Variants in KCNJ16 observed in about 807,000 individuals in gnomAD.
The protein encoded by KCNJ16 is potassium inwardly rectifying channel subfamily J member 16, also known as inward rectifier potassium channel 16.
KCNJ16 carries 15 observed loss-of-function variants against 18.5 expected under a neutral mutation model. The ratio of observed to expected loss-of-function variants is 0.81; its 90% CI spans 0.54 to 1.25. The LOEUF is 1.25. Ranked by LOEUF, KCNJ16 falls within the 50% of genes most tolerant of loss-of-function variation. The pLI, the probability that KCNJ16 is intolerant of heterozygous loss-of-function variation, is 0.00. For synonymous variants in KCNJ16, 174 were observed against 186.5 expected, an observed-to-expected ratio of 0.93 and a Z score of 0.55; for missense variants, 523 against 525.7, an observed-to-expected ratio of 0.99 and a Z score of 0.05.
chr17:70,122,793 GAGTC>G (rs2073697048), intron 2 of KCNJ16, among the ~76,000 whole-genome samples: 1 of 152,118 alleles, frequency 6.6e-6, no homozygotes, highest in Non-Finnish European at 1.5e-5. Context: ...TAAATAACAG[GAGTC>G]AGTAACTCTG....
At chr17:70,088,734 G>A (rs918002460) in intron 1 of KCNJ16, among the ~76,000 whole-genome samples, 3 of 150,078 alleles carry the variant, frequency 2.0e-5, no homozygotes, top group Non-Finnish European at 3.0e-5. Context: ...AAGGCCAAGT[G>A]ATTTTTTTTT....
chr17:70,107,280 C>T (rs1194217385), intron 2 of KCNJ16, among the ~76,000 whole-genome samples: 1 of 152,144 alleles, frequency 6.6e-6, no homozygotes, highest in Non-Finnish European at 1.5e-5. Flanking sequence ...GTTTTGTTTG[C>T]ATCACTTAAT....
intron 1 of KCNJ16, among the ~76,000 whole-genome samples, chr17:70,089,030 TG>T (rs1395411821): frequency 1.3e-5 from 2 of 152,242 alleles, no homozygotes; most frequent in African/African-American, 4.8e-5. Context: ...CCAGAACGTG[TG>T]AAAGTTTTCT....
rs867515298 is a variant in KCNJ16, at chr17:70,123,008, T to C, written c.-190-7871T>C. Among the ~76,000 whole-genome samples the C allele has an allele frequency of 2.6e-5, 4 of 152,194 alleles. No individual in the cohort carries two copies. The South Asian group carries it at 8.3e-4, about 31-fold the overall frequency. ...CAGCTTTCTGGTTTACCTCCCTCCTTCTGCTCTTAAATTTCCCCCAACTGA... is the reference window on the plus strand; with the variant it reads ...CAGCTTTCTGGTTTACCTCCCTCCTCCTGCTCTTAAATTTCCCCCAACTGA... On this transcript the variant is annotated intron_variant, in intron 2 of 3. Coordinates refer to ENST00000392671, the MANE Select transcript of KCNJ16 (RefSeq NM_170741.4).
chr17:70,125,501 G>C (rs1268413973), intron 2 of KCNJ16, among the ~76,000 whole-genome samples: 1 of 152,186 alleles, frequency 6.6e-6, no homozygotes, highest in African/African-American at 2.4e-5. Context: ...ATATTCTACA[G>C]AGGATGAAAC....
rs142139198 is a variant in KCNJ16 at position 70,103,324 on chromosome 17, A to ACACACACATAT, written c.-191+2564_-191+2565insCATATCACACA. On this transcript the variant is annotated intron_variant, in intron 2 of 3. Transcript: ENST00000392671. ...TATATATATATATATATATATATACACACACATATATATATATTTTTTTGT... is the reference window on the plus strand; with the variant it reads ...TATATATATATATATATATATATACACACACACATATCACACATATATATATATTTTTTTGT... 7.1e-5 allele frequency among the ~76,000 whole-genome samples: 8 copies of ACACACACATAT among 113,350 alleles called. No homozygotes were observed. The East Asian group carries it at 8.4e-4, about 12-fold the overall frequency. The allele number at this position is 113,350 out of a possible 152,430, so 74.4% of individuals were successfully genotyped here. A position where few individuals can be genotyped will look rare whatever the true frequency, so the allele number is the denominator to read the frequency against.
intron 1 of KCNJ16, among the ~76,000 whole-genome samples, chr17:70,100,098 C>A (rs2072557603): frequency 1.3e-5 from 2 of 152,240 alleles, no homozygotes; most frequent in Admixed American, 1.3e-4. Flanking sequence ...TAACAGGAAG[C>A]CCTCAGGCCG....
intron 2 of KCNJ16, among the ~76,000 whole-genome samples, chr17:70,129,322 A>G (rs1598184215): frequency 6.6e-6 from 1 of 152,244 alleles, no homozygotes; most frequent in Admixed American, 6.5e-5. Context: ...ATTCCAGTCA[A>G]TCAACAAGTG....
At chr17:70,097,701 T>C (rs541925389) in intron 1 of KCNJ16, among the ~76,000 whole-genome samples, 26 of 152,228 alleles carry the variant, frequency 1.7e-4, no homozygotes, top group African/African-American at 5.3e-4. Flanking sequence ...GAAAATAAAA[T>C]CACAAACTTC....
rs200673054 is a variant in KCNJ16 at position 70,132,149 on chromosome 17, C to T, written c.62C>T (p.Pro21Leu). 254 of 1,614,150 alleles carry T rather than the reference C, an allele frequency of 1.6e-4. No individual in the cohort carries two copies. Among genetic ancestry groups the T allele is most frequent in the Admixed American group, 5.7e-4 (34 of 60,028 alleles). The change falls in exon 4 of 4, where the codon CCG (proline) becomes CTG (leucine). Residue 21 changes from proline (P) to leucine (L), a missense_variant. By Grantham distance (98) the Pro-to-Leu change is moderately conservative (BLOSUM62 -3). Transcript: ENST00000392671. ...GCGGACGCAAAATACCCAGGCTACC[C>T]GCCAGAGCACATTATAGCTGAGAAG... The part of the protein sequence containing the change: ...INADAKYPGY[P>L]PEHIIAEKRR...
chr17:70,103,058 T>A (rs139365488), intron 2 of KCNJ16, among the ~76,000 whole-genome samples: 1 of 148,930 alleles, frequency 6.7e-6, no homozygotes, highest in East Asian at 2.0e-4. Context: ...CCTTAGGCAC[T>A]CAAGTAGCTG....
intron 1 of KCNJ16, among the ~76,000 whole-genome samples, chr17:70,079,493 A>G (rs1484029133): frequency 6.6e-6 from 1 of 152,318 alleles, no homozygotes; most frequent in Admixed American, 6.5e-5. Context: ...ATTAAACATC[A>G]CAATAACAGA....
At chr17:70,117,346 G>A (rs929588440) in intron 2 of KCNJ16, among the ~76,000 whole-genome samples, 3 of 152,016 alleles carry the variant, frequency 2.0e-5, no homozygotes, top group African/African-American at 7.3e-5. Flanking sequence ...ACTAACCTCA[G>A]CATCACACCA....
chr17:70,093,868 T>C (rs1325018670), intron 1 of KCNJ16, among the ~76,000 whole-genome samples: 2 of 151,968 alleles, frequency 1.3e-5, no homozygotes, highest in Non-Finnish European at 2.9e-5. Flanking sequence ...TTGCCATAAC[T>C]ATTGGAATAT....
intron 2 of KCNJ16, chr17:70,101,016 C>T (rs957047065): frequency 6.6e-6 from 1 of 152,192 alleles, no homozygotes; most frequent in Non-Finnish European, 1.5e-5. Context: ...GAAAGAAATG[C>T]TATTTATATA....
intron 1 of KCNJ16, among the ~76,000 whole-genome samples, chr17:70,090,679 A>C (rs2072043928): frequency 6.6e-6 from 1 of 152,022 alleles, no homozygotes; most frequent in Non-Finnish European, 1.5e-5. Flanking sequence ...CAATACCGCT[A>C]ACCCACTCAC....
chr17:70,087,622 G>C (rs530989190), intron 1 of KCNJ16, among the ~76,000 whole-genome samples: 1 of 152,144 alleles, frequency 6.6e-6, no homozygotes, highest in South Asian at 2.1e-4. Flanking sequence ...CAGGAGAATC[G>C]CTTGAACCCG....
At chr17:70,111,366 AG>A (rs2073176994) in intron 2 of KCNJ16, among the ~76,000 whole-genome samples, 1 of 152,144 alleles carries the variant, frequency 6.6e-6, no homozygotes, top group South Asian at 2.1e-4. Flanking sequence ...AGCTGGGCTA[AG>A]GGGAACGTGT....
Position 70,132,232 on chromosome 17 carries a change from C to G in KCNJ16, c.145C>G (p.His49Asp). 6.2e-7 allele frequency: 1 copy of G among 1,614,232 alleles called. No individual in the cohort carries two copies. The highest frequency in any genetic ancestry group is 8.5e-7 in the Non-Finnish European group (1 of 1,180,038). The change falls in exon 4 of 4, where the codon CAC becomes GAC. Residue 49 changes from histidine (H) to aspartate (D), a missense_variant. By Grantham distance (81) the His-to-Asp change is moderately conservative. Transcript: ENST00000392671. ...TGGCAGCTGTAATGTCTACTTCAAG[C>G]ACATTTTTGGAGAATGGGGAAGCTA... ...KDGSCNVYFKHIFGEWGSYVV... is the reference protein window; with the variant it reads ...KDGSCNVYFKDIFGEWGSYVV...
Sources: allele counts gnomAD v4.1 joint callset (sites outside exome capture counted in the v4.1 genomes callset), GRCh38; gene constraint gnomAD v4.1.1; transcripts MANE v1.5; gene names NCBI Gene and HGNC (gene_info 2026-07-23, HGNC 2026-07-21).